THEMIS: variants seen among roughly 807,000 people sequenced by gnomAD.
THEMIS encodes protein THEMIS.
Under a neutral mutation model 52.6 loss-of-function variants are expected in THEMIS, and 37 were observed. The observed-to-expected ratio is 0.70, with a 90% CI of 0.54 to 0.93. The LOEUF is 0.93. Ranked by LOEUF, THEMIS falls within the 40% of genes least tolerant of loss-of-function variation. The pLI is 0.00. For synonymous variants in THEMIS, 292 were observed against 272.7 expected (o/e 1.07, Z -0.70); for missense variants, 808 against 763.1 (o/e 1.06, Z -0.69).
chr6:127,886,704 T>C (rs1562321960), intron 1 of THEMIS, among the ~76,000 whole-genome samples: 1 of 152,102 alleles, frequency 6.6e-6, no homozygotes, highest in Non-Finnish European at 1.5e-5. Context: ...AACTACTTTG[T>C]AAATGTTGTC....
intron 4 of THEMIS, among the ~76,000 whole-genome samples, chr6:127,724,938 G>T (rs1021627966): frequency 2.0e-5 from 3 of 152,096 alleles, no homozygotes; most frequent in Admixed American, 2.0e-4. Flanking sequence ...AATTTATTCA[G>T]ATTCCTAGTT....
At chr6:127,906,567 C>A (rs1474998852) in intron 1 of THEMIS, among the ~76,000 whole-genome samples, 2 of 151,774 alleles carry the variant, frequency 1.3e-5, no homozygotes, top group Middle Eastern at 3.4e-3. Flanking sequence ...TTTATTTATA[C>A]CATCAACTGA....
At chr6:127,761,105 C>T (rs973286284) in intron 4 of THEMIS, among the ~76,000 whole-genome samples, 3 of 152,082 alleles carry the variant, frequency 2.0e-5, no homozygotes, top group African/African-American at 7.2e-5. Context: ...CTTAAGGAGA[C>T]ATTTCTCCCA....
chr6:127,759,559 A>G (rs1345116955), intron 4 of THEMIS, among the ~76,000 whole-genome samples: 3 of 152,160 alleles, frequency 2.0e-5, no homozygotes, highest in East Asian at 3.9e-4. Context: ...TCCCAGCTGC[A>G]CATGTTAATA....
intron 4 of THEMIS, among the ~76,000 whole-genome samples, chr6:127,756,520 G>A (rs1775832412): frequency 6.6e-6 from 1 of 152,198 alleles, no homozygotes; most frequent in African/African-American, 2.4e-5. Flanking sequence ...TTGAACTGAA[G>A]CTTTTTTTTC....
chr6:127,895,626 A>G (rs1364718475), intron 1 of THEMIS, among the ~76,000 whole-genome samples: 3 of 151,504 alleles, frequency 2.0e-5, no homozygotes, highest in Admixed American at 6.6e-5. Context: ...TTAAACTGTG[A>G]TAAATTATGT....
the THEMIS span, among the ~76,000 whole-genome samples, chr6:127,701,748 T>C: frequency 6.6e-6 from 1 of 152,162 alleles, no homozygotes; most frequent in Non-Finnish European, 1.5e-5. Flanking sequence ...TTTATAATGA[T>C]ATATCTTGTT....
intron 2 of THEMIS, among the ~76,000 whole-genome samples, chr6:127,851,610 T>C (rs182414571): frequency 3.3e-4 from 50 of 151,894 alleles, no homozygotes; most frequent in African/African-American, 1.2e-3. Flanking sequence ...ATACATGCCA[T>C]CAGGGCATTG....
chr6:127,881,768 G>A (rs973103788), intron 1 of THEMIS, among the ~76,000 whole-genome samples: 1 of 151,736 alleles, frequency 6.6e-6, no homozygotes, highest in African/African-American at 2.4e-5. Context: ...GCCTGCTTAA[G>A]CTTAAGCTAA....
intron 4 of THEMIS, among the ~76,000 whole-genome samples, chr6:127,792,080 C>T (rs1777177343): frequency 6.6e-6 from 1 of 152,118 alleles, no homozygotes; most frequent in African/African-American, 2.4e-5. Flanking sequence ...GCATGGCTTC[C>T]ACCTGTTCCC....
chr6:127,845,158 A>G (rs978069978), intron 2 of THEMIS, among the ~76,000 whole-genome samples: 3 of 151,868 alleles, frequency 2.0e-5, no homozygotes, highest in Non-Finnish European at 4.4e-5. Flanking sequence ...CTGAAGCTGC[A>G]TCTACAAAGC....
At chr6:127,710,051 AG>A in intron 5 of THEMIS, 35 bp from the exon 6 acceptor site, 1 of 1,450,728 alleles carries the variant, frequency 6.9e-7, no homozygotes, top group Non-Finnish European at 9.4e-7. Flanking sequence ...ATCAGAAATA[AG>A]TATTGAAAAT....
chr6:127,867,927 C>T (rs995758243), intron 1 of THEMIS, among the ~76,000 whole-genome samples: 23 of 151,528 alleles, frequency 1.5e-4, no homozygotes, highest in Non-Finnish European at 2.2e-4. Context: ...CTATTAAACA[C>T]ACACACACAC....
intron 3 of THEMIS, among the ~76,000 whole-genome samples, chr6:127,824,425 C>T (rs77635311): frequency 0.069 from 10,487 of 152,098 alleles, 378 homozygotes; most frequent in Non-Finnish European, 0.086. Flanking sequence ...AGGAATGCTG[C>T]AGTGAAAAAG....
At chr6:127,792,707 A>G (rs1777199039) in intron 4 of THEMIS, among the ~76,000 whole-genome samples, 1 of 152,178 alleles carries the variant, frequency 6.6e-6, no homozygotes, top group Non-Finnish European at 1.5e-5. Context: ...TTTAACCATG[A>G]TTCGAGATTT....
At chr6:127,860,674 A>AAAAT (rs963807112) in intron 1 of THEMIS, among the ~76,000 whole-genome samples, 14 of 152,024 alleles carry the variant, frequency 9.2e-5, no homozygotes, top group Non-Finnish European at 1.3e-4. Context: ...CTGAGAGCCA[A>AAAAT]AAATAAATAA....
intron 1 of THEMIS, among the ~76,000 whole-genome samples, chr6:127,873,915 A>G (rs1780234470): frequency 6.6e-6 from 1 of 152,242 alleles, no homozygotes. Flanking sequence ...TTTGTTTATA[A>G]GATCTGTCTG....
intron 1 of THEMIS, among the ~76,000 whole-genome samples, chr6:127,872,221 C>A (rs188720214): frequency 6.6e-6 from 1 of 152,262 alleles, no homozygotes; most frequent in East Asian, 1.9e-4. Flanking sequence ...TGCAAATGAT[C>A]ATTTCAGTTG....
chr6:127,715,618 T>G (rs1214661114), intron 5 of THEMIS, among the ~76,000 whole-genome samples: 1 of 151,912 alleles, frequency 6.6e-6, no homozygotes, highest in Non-Finnish European at 1.5e-5. Flanking sequence ...AACATTTAGA[T>G]TAAACTAAAG....
Sources: allele counts gnomAD v4.1 joint callset (sites outside exome capture counted in the v4.1 genomes callset), GRCh38; gene constraint gnomAD v4.1.1; transcripts MANE v1.5; gene names NCBI Gene and HGNC (gene_info 2026-07-23, HGNC 2026-07-21).